Variants in CHSY3 observed in about 807,000 individuals in gnomAD.
CHSY3 encodes N-acetylgalactosaminyl-proteoglycan 3-beta-glucuronosyltransferase 3.
In CHSY3, 35 loss-of-function variants were observed where a neutral mutation model predicts 67.2. The ratio of observed to expected loss-of-function variants is 0.52; its 90% CI spans 0.40 to 0.69. The LOEUF (loss-of-function observed/expected upper bound fraction) is 0.69. CHSY3 is among the 30% of genes least tolerant of loss of function. CHSY3 has a pLI of 0.00. For missense variants in CHSY3, 1,069 were observed against 1,138.5 expected, an observed-to-expected ratio of 0.94 and a Z score of 0.88; for synonymous variants, 474 against 434.7, an observed-to-expected ratio of 1.09 and a Z score of -1.12.
At chr5:130,100,240 C>T (rs1046114588) in intron 2 of CHSY3, among the ~76,000 whole-genome samples, 3 of 151,932 alleles carry the variant, frequency 2.0e-5, no homozygotes, top group East Asian at 1.9e-4. Context: ...GGAGTGCAGT[C>T]GCGCGATCTC....
chr5:129,926,872 C>A (rs1039312939), intron 2 of CHSY3, among the ~76,000 whole-genome samples: 1 of 151,812 alleles, frequency 6.6e-6, no homozygotes, highest in Non-Finnish European at 1.5e-5. Flanking sequence ...CTAACTTCTG[C>A]ATGTCGATTG....
chr5:130,161,028 C>G (rs1769526486), intron 2 of CHSY3, among the ~76,000 whole-genome samples: 1 of 151,662 alleles, frequency 6.6e-6, no homozygotes, highest in East Asian at 1.9e-4. Context: ...CCTCAGCCTC[C>G]CTGGTAGCTG....
At position 130,148,995 on chromosome 5, in the gene CHSY3, C is replaced by G. The variant is rs142002956; in HGVS notation, c.1087-35234C>G. 2.0e-3 allele frequency among the ~76,000 whole-genome samples: 306 copies of G among 152,200 alleles called. 1 individual carries two copies. The highest frequency in any genetic ancestry group is 6.8e-3 in the African/African-American group (281 of 41,518). ...GTTCATATGTCCAGAATGGTGTTGC[C>G]TAGGTTACCTTCCAAGGTTTTTATA... On this transcript the variant is annotated intron_variant, in intron 2 of 2. Coordinates refer to ENST00000305031, the MANE Select transcript of CHSY3 (RefSeq NM_175856.5).
chr5:130,119,490 G>T (rs995432889), intron 2 of CHSY3, among the ~76,000 whole-genome samples: 2 of 152,072 alleles, frequency 1.3e-5, no homozygotes, highest in Non-Finnish European at 2.9e-5. Context: ...GGGGCCTCAG[G>T]TCGCAGGGAG....
intron 2 of CHSY3, among the ~76,000 whole-genome samples, chr5:130,057,461 C>G (rs1229161907): frequency 6.6e-6 from 1 of 152,052 alleles, no homozygotes; most frequent in Non-Finnish European, 1.5e-5. Context: ...CTTTGTATAG[C>G]TCAGTATAAA....
rs781203161 is a variant in CHSY3 at position 129,905,474 on chromosome 5, C to G, written c.645C>G (p.Gly215=). ...FFSSQQPPNA[G]QPPPPLPVIA... ...CCAGCCAGCAGCCCCCCAACGCCGG[C>G]CAGCCCCCGCCACCCCTGCCTGTCA... Residue 215 remains glycine (G), a synonymous_variant, in exon 1 of 3, where the codon GGC becomes GGG. Coordinates refer to ENST00000305031, the MANE Select transcript of CHSY3 (RefSeq NM_175856.5). The G allele has an allele frequency of 3.7e-6, 6 of 1,612,840 alleles. No homozygotes were observed. Among genetic ancestry groups the G allele is most frequent in the Non-Finnish European group, 3.4e-6 (4 of 1,180,000 alleles).
At chr5:130,088,067 A>G (rs1438276621) in intron 2 of CHSY3, among the ~76,000 whole-genome samples, 2 of 152,170 alleles carry the variant, frequency 1.3e-5, no homozygotes, top group African/African-American at 4.8e-5. Flanking sequence ...AATGCCGCAT[A>G]TATACAACTA....
chr5:130,176,353 C>G (rs1770049930), intron 2 of CHSY3, among the ~76,000 whole-genome samples: 1 of 152,112 alleles, frequency 6.6e-6, no homozygotes, highest in African/African-American at 2.4e-5. Context: ...CAGGAAACAA[C>G]AGAGGCTGGA....
chr5:130,006,388 A>G (rs1017541471), intron 2 of CHSY3, among the ~76,000 whole-genome samples: 1 of 152,184 alleles, frequency 6.6e-6, no homozygotes, highest in Non-Finnish European at 1.5e-5. Flanking sequence ...TATGTAGCTC[A>G]TGAATGTCTT....
intron 2 of CHSY3, among the ~76,000 whole-genome samples, chr5:129,925,182 A>G (rs2149585540): frequency 6.6e-6 from 1 of 152,338 alleles, no homozygotes; most frequent in South Asian, 2.1e-4. Flanking sequence ...TGAGCCCAGA[A>G]GTAAAGCATA....
chr5:129,946,384 A>G (rs562279678), intron 2 of CHSY3, among the ~76,000 whole-genome samples: 1 of 152,264 alleles, frequency 6.6e-6, no homozygotes, highest in South Asian at 2.1e-4. Context: ...AGTATTAGAA[A>G]GTTTAAAAAG....
chr5:130,143,734 G>GTATATATATATATA (rs372062970), intron 2 of CHSY3, among the ~76,000 whole-genome samples: 6 of 94,662 alleles, frequency 6.3e-5, no homozygotes, highest in Non-Finnish European at 9.9e-5. Context: ...GTGTGTGTGT[G>GTATATATATATATA]TATATATATA....
At chr5:130,096,520 T>G (rs1454336215) in intron 2 of CHSY3, among the ~76,000 whole-genome samples, 1 of 152,204 alleles carries the variant, frequency 6.6e-6, no homozygotes, top group Non-Finnish European at 1.5e-5. Context: ...TCTTCCATGG[T>G]TATGTAACAT....
chr5:130,161,493 C>G (rs1397075071), intron 2 of CHSY3, among the ~76,000 whole-genome samples: 2 of 152,104 alleles, frequency 1.3e-5, no homozygotes, highest in Non-Finnish European at 2.9e-5. Flanking sequence ...AATATACTTT[C>G]TGGAATTGCA....
chr5:130,099,670 C>T (rs1672070715), intron 2 of CHSY3, among the ~76,000 whole-genome samples: 1 of 152,156 alleles, frequency 6.6e-6, no homozygotes, highest in Admixed American at 6.5e-5. Context: ...GAGCTATCTA[C>T]TCTTATAATT....
At position 129,904,675 on chromosome 5, in the gene CHSY3, C is replaced by T; in HGVS notation, c.-155C>T. On this transcript the variant is annotated 5_prime_UTR_variant, in exon 1 of 3. Coordinates refer to ENST00000305031, the MANE Select transcript of CHSY3 (RefSeq NM_175856.5). ...TGCAGCCCGCGGCAGTCGAGGCGTC[C>T]GCGGCGCTTCGACCTCCAGCCGGTG... 8.7e-7 allele frequency: 1 copy of T among 1,152,958 alleles called. No individual in the cohort carries two copies. Among genetic ancestry groups the T allele is most frequent in the Non-Finnish European group, 1.1e-6 (1 of 922,804 alleles). 71.4% of individuals were successfully genotyped at this position (1,152,958 alleles called of 1,614,324 possible).
At chr5:129,979,586 C>G (rs546410291) in intron 2 of CHSY3, among the ~76,000 whole-genome samples, 13 of 152,212 alleles carry the variant, frequency 8.5e-5, no homozygotes, top group African/African-American at 3.1e-4. Flanking sequence ...TTGTTACAAT[C>G]GATGAGCCTG....
In CHSY3 at chr5:129,904,789, C is replaced by T; in HGVS notation, c.-41C>T. The T allele has an allele frequency of 7.6e-7, 1 of 1,315,096 alleles. No individual in the cohort carries two copies. Among genetic ancestry groups the T allele is most frequent in the Non-Finnish European group, 9.7e-7 (1 of 1,033,048 alleles). The allele number at this position is 1,315,096 out of a possible 1,614,324, so 81.5% of individuals were successfully genotyped here. The stretch of plus-strand genomic sequence containing the variant: ...TGAGCCGGGGAAACCGCGTGCCGCG[C>T]CGCGACAGCCCAGCGAGCGTCCGCG... On this transcript the variant is annotated 5_prime_UTR_variant, in exon 1 of 3. Transcript: ENST00000305031.
At position 130,171,468 on chromosome 5, in the gene CHSY3, C is replaced by G. The variant is rs532507148; in HGVS notation, c.1087-12761C>G. Among the ~76,000 whole-genome samples the G allele has an allele frequency of 2.0e-3, 305 of 152,242 alleles. 2 individuals are homozygous for G. Among genetic ancestry groups the G allele is most frequent in the African/African-American group, 6.8e-3 (283 of 41,552 alleles). On this transcript the variant is annotated intron_variant, in intron 2 of 2. Transcript: ENST00000305031. The stretch of plus-strand genomic sequence containing the variant: ...GTGATTTCTTTAAGATTTTTAATCT[C>G]TTTGGTATTTGTCCAAGACATCAGG...
Sources: allele counts gnomAD v4.1 joint callset (sites outside exome capture counted in the v4.1 genomes callset), GRCh38; gene constraint gnomAD v4.1.1; transcripts MANE v1.5; gene names NCBI Gene and HGNC (gene_info 2026-07-23, HGNC 2026-07-21).